The following STIP1 variants were observed in gnomAD, a reference collection of about 807,000 sequenced individuals.
The protein encoded by STIP1 is stress induced phosphoprotein 1.
Under a neutral mutation model 77.4 loss-of-function variants are expected in STIP1, and 16 were observed. That is an observed-to-expected ratio of 0.21 (90% CI 0.14 to 0.31). The LOEUF is 0.31. Ranked by LOEUF, STIP1 falls within the 10% of genes least tolerant of loss-of-function variation. The pLI is 1.00. For missense variants in STIP1, 524 were observed against 684.8 expected, an observed-to-expected ratio of 0.77 and a Z score of 2.62; for synonymous variants, 258 against 246.6, an observed-to-expected ratio of 1.05 and a Z score of -0.44.
intron 1 of STIP1, among the ~76,000 whole-genome samples, chr11:64,192,536 G>A (rs979614050): frequency 2.0e-5 from 3 of 152,146 alleles, no homozygotes; most frequent in African/African-American, 2.4e-5. Flanking sequence ...CCAGGAAATG[G>A]AGACTGGTTC....
intron 1 of STIP1, among the ~76,000 whole-genome samples, chr11:64,188,415 T>G (rs1437503085): frequency 2.0e-5 from 3 of 151,736 alleles, no homozygotes; most frequent in Non-Finnish European, 2.9e-5. Context: ...AGAGACAGGG[T>G]CTGGTTCTGT....
At chr11:64,197,629 G>T in intron 7 of STIP1, 34 bp downstream of exon 7, 1 of 1,611,134 alleles carries the variant, frequency 6.2e-7, no homozygotes, top group East Asian at 2.2e-5. Flanking sequence ...CTTGAGTAGC[G>T]CGGAGGGTTT....
rs752192702 is a variant in STIP1 at position 64,197,307 on chromosome 11, A to G, written c.709A>G (p.Lys237Glu). 6.2e-7 allele frequency: 1 copy of G among 1,614,124 alleles called. No individual in the cohort carries two copies. The highest frequency in any genetic ancestry group is 1.3e-5 in the African/African-American group (1 of 75,030). The change falls in exon 6 of 14, where the codon AAG (lysine) becomes GAG (glutamate). Residue 237 changes from lysine (K) to glutamate (E), a missense_variant. Physicochemically the swap from Lys to Glu is moderately conservative, Grantham distance 56 (BLOSUM62 1). Coordinates refer to ENST00000305218, the MANE Select transcript of STIP1 (RefSeq NM_006819.3). ...KEKELGNDAY[K>E]KKDFDTALKH... ...AAAAGAGCTGGGGAACGATGCCTAC[A>G]AGAAGAAAGACTTTGACACAGCCTT...
rs150436803 is a variant in STIP1 at position 64,203,150 on chromosome 11, T to C, written c.1308T>C (p.Ala436=). The C allele has an allele frequency of 1.4e-4, 218 of 1,614,126 alleles. No individual in the cohort carries two copies. In the African/African-American group the frequency reaches 2.6e-3, roughly 20 times the overall value. Residue 436 remains alanine (A), a synonymous_variant, in exon 12 of 14, where the codon GCT becomes GCC. Transcript: ENST00000305218. ...TFIKGYTRKA[A]ALEAMKDYTK... is the part of the protein sequence containing the mutation. The stretch of plus-strand genomic sequence containing the variant: ...TCAAGGGTTATACACGGAAAGCCGC[T>C]GCGCTGGAAGCGATGAAGGACTACA...
intron 8 of STIP1, among the ~76,000 whole-genome samples, chr11:64,198,555 C>T (rs190648665): frequency 2.0e-5 from 3 of 152,186 alleles, no homozygotes; most frequent in East Asian, 3.9e-4. Flanking sequence ...CTGTGTTGCC[C>T]AGGTTGGTCT....
intron 4 of STIP1, 119 bp downstream of exon 4, chr11:64,194,739 T>C (rs1350755533): frequency 7.8e-7 from 1 of 1,288,396 alleles, no homozygotes; most frequent in Non-Finnish European, 1.1e-6. Flanking sequence ...TTGCTTATTC[T>C]CTGCAGAGCA....
In STIP1 at chr11:64,204,434, C is replaced by A; in HGVS notation, c.*308C>A. Reference sequence around the variant, plus strand: ...TTTTTTTTTTATTTGGGGCAGTGGGCATGTTATGGGGAGGGGAGGGGGTTC... The same window carrying A: ...TTTTTTTTTTATTTGGGGCAGTGGGAATGTTATGGGGAGGGGAGGGGGTTC... On this transcript the variant is annotated 3_prime_UTR_variant, in exon 14 of 14. Coordinates refer to ENST00000305218, the MANE Select transcript of STIP1 (RefSeq NM_006819.3). 2.5e-6 allele frequency: 1 copy of A among 401,808 alleles called. No individual in the cohort carries two copies. The highest frequency in any genetic ancestry group is 4.4e-6 in the Non-Finnish European group (1 of 224,756). 24.9% of individuals were successfully genotyped at this position (401,808 alleles called of 1,614,324 possible).
rs951161221 is a variant in STIP1, at chr11:64,195,824, T to C, written c.672+11T>C. 6.2e-7 allele frequency: 1 copy of C among 1,614,024 alleles called. No homozygotes were observed. The highest frequency in any genetic ancestry group is 1.1e-5 in the South Asian group (1 of 91,068). ...GAGAATAAGAAGCAGGTCTTGTTTT[T>C]TTCTCTCCTCACTGTCACCTATCTA... On this transcript the variant is annotated intron_variant, in intron 5 of 13. Transcript: ENST00000305218.
intron 6 of STIP1, 32 bp from the exon 7 acceptor site, chr11:64,197,461 G>A (rs1946163425): frequency 6.2e-7 from 1 of 1,614,140 alleles, no homozygotes; most frequent in Non-Finnish European, 8.5e-7. Context: ...AGCAAAGACT[G>A]ACTGTTCCTT....
chr11:64,193,786 A>C (rs1946117911), intron 2 of STIP1, among the ~76,000 whole-genome samples: 1 of 150,522 alleles, frequency 6.6e-6, no homozygotes, highest in South Asian at 2.1e-4. Flanking sequence ...ACCCTGTCTC[A>C]AAAAAAAAGG....
intron 5 of STIP1, among the ~76,000 whole-genome samples, chr11:64,196,501 T>C (rs1946152252): frequency 6.6e-6 from 1 of 151,818 alleles, no homozygotes; most frequent in South Asian, 2.1e-4. Context: ...AGCGGCTTCA[T>C]TGCTGCCAGT....
chr11:64,196,867 C>T (rs1946156398), intron 5 of STIP1: 1 of 183,438 alleles, frequency 5.5e-6, no homozygotes, highest in Admixed American at 5.4e-5. Context: ...TCACCACCCC[C>T]TCTGCTATGG....
chr11:64,200,135 T>C (rs749233660), intron 9 of STIP1, 34 bp from the exon 10 acceptor site: 1 of 1,610,138 alleles, frequency 6.2e-7, no homozygotes. Context: ...GGCTTTTTGC[T>C]TTTTAAAAGA....
At chr11:64,203,063 G>A in intron 11 of STIP1, 62 bp from the exon 12 acceptor site, 2 of 1,601,264 alleles carry the variant, frequency 1.2e-6, no homozygotes, top group Non-Finnish European at 1.7e-6. Context: ...TGCAGGTGAA[G>A]AGGTGCAAGG....
chr11:64,188,983 G>C (rs966356516), intron 1 of STIP1, among the ~76,000 whole-genome samples: 1 of 152,222 alleles, frequency 6.6e-6, no homozygotes, highest in African/African-American at 2.4e-5. Flanking sequence ...TTGGGAGGCC[G>C]AGGTGGGCGG....
Position 64,194,413 on chromosome 11 carries a change from G to A in STIP1, c.362-66G>A, listed in dbSNP as rs1314445930. 59 of 1,610,698 alleles carry A rather than the reference G, an allele frequency of 3.7e-5. No individual in the cohort carries two copies. Among genetic ancestry groups the A allele is most frequent in the Non-Finnish European group, 4.9e-5 (58 of 1,177,798 alleles). Reference sequence around the variant, plus strand: ...ACCCCTGAGAAATGTCAGTCTGGTAGGGTATGGGACACAGTAATTCTAGTG... The same window carrying A: ...ACCCCTGAGAAATGTCAGTCTGGTAAGGTATGGGACACAGTAATTCTAGTG... On this transcript the variant is annotated intron_variant, in intron 3 of 13. Transcript: ENST00000305218.
At position 64,204,121 on chromosome 11, in the gene STIP1, C is replaced by T. The variant is rs1406363974; in HGVS notation, c.1627C>T (p.Arg543Trp). The T allele has an allele frequency of 1.2e-6, 2 of 1,614,054 alleles. No homozygotes were observed. Among genetic ancestry groups the T allele is most frequent in the Non-Finnish European group, 8.5e-7 (1 of 1,180,040 alleles). ...KLMDVGLIAI[R>W] ...GATGGATGTGGGTCTGATTGCAATT[C>T]GGTGATGACTTGTTCATCCCCCCTT... Residue 543 changes from arginine to tryptophan, a missense_variant, in exon 14 of 14, where the codon CGG (arginine) becomes TGG (tryptophan). Coordinates refer to ENST00000305218, the MANE Select transcript of STIP1 (RefSeq NM_006819.3).
chr11:64,194,895 T>A (rs769515001), intron 4 of STIP1, among the ~76,000 whole-genome samples: 2 of 152,188 alleles, frequency 1.3e-5, no homozygotes, highest in Non-Finnish European at 2.9e-5. Context: ...CCTTTCCATC[T>A]ACTTAGGCCC....
intron 10 of STIP1, among the ~76,000 whole-genome samples, chr11:64,201,387 C>T (rs1434448498): frequency 6.6e-6 from 1 of 152,184 alleles, no homozygotes; most frequent in Non-Finnish European, 1.5e-5. Context: ...AGCAGCTGTA[C>T]CATCCTTGCT....
Sources: allele counts gnomAD v4.1 joint callset (sites outside exome capture counted in the v4.1 genomes callset), GRCh38; gene constraint gnomAD v4.1.1; transcripts MANE v1.5; gene names NCBI Gene and HGNC (gene_info 2026-07-23, HGNC 2026-07-21).